SLC12A8: variants seen among roughly 807,000 people sequenced by gnomAD.
SLC12A8 encodes the protein solute carrier family 12 member 8, also known as cation-chloride cotransporter 9.
SLC12A8 carries 69 observed loss-of-function variants against 75.6 expected under a neutral mutation model. The ratio of observed to expected loss-of-function variants is 0.91; its 90% CI spans 0.75 to 1.11. The LOEUF (loss-of-function observed/expected upper bound fraction) is 1.11, where lower values mean the gene tolerates loss of function less well. Ranked by LOEUF, SLC12A8 falls within the 50% of genes most tolerant of loss-of-function variation. The pLI, the probability that SLC12A8 is intolerant of heterozygous loss-of-function variation, is 0.00. For missense variants in SLC12A8, 877 were observed against 896.7 expected (o/e 0.98, Z 0.28); for synonymous variants, 365 against 372.8 (o/e 0.98, Z 0.24).
chr3:125,208,459 C>T (rs1327269460), intron 2 of SLC12A8, among the ~76,000 whole-genome samples: 1 of 152,116 alleles, frequency 6.6e-6, no homozygotes, highest in Non-Finnish European at 1.5e-5. Flanking sequence ...AATTATTAGC[C>T]ATTTATATAA....
intron 6 of SLC12A8, among the ~76,000 whole-genome samples, chr3:125,123,032 T>G (rs1333080912): frequency 2.0e-5 from 3 of 152,068 alleles, no homozygotes; most frequent in Non-Finnish European, 2.9e-5. Context: ...AAGGGCCAGG[T>G]GTGGTGGTTC....
At chr3:125,159,971 T>C (rs765270083) in intron 5 of SLC12A8, among the ~76,000 whole-genome samples, 20 of 152,236 alleles carry the variant, frequency 1.3e-4, no homozygotes, top group Non-Finnish European at 2.9e-4. Flanking sequence ...TTTCTTTCTT[T>C]TTTAGGGTCA....
At chr3:125,207,479 TG>T (rs1245475794) in intron 2 of SLC12A8, among the ~76,000 whole-genome samples, 1 of 152,228 alleles carries the variant, frequency 6.6e-6, no homozygotes, top group Non-Finnish European at 1.5e-5. Flanking sequence ...AGATTGCTGT[TG>T]GTTTTGTACT....
intron 9 of SLC12A8, among the ~76,000 whole-genome samples, chr3:125,109,611 G>T (rs1273598801): frequency 6.6e-6 from 1 of 152,146 alleles, no homozygotes; most frequent in Non-Finnish European, 1.5e-5. Context: ...TGTCTCTTTG[G>T]TCCTCCCCTG....
chr3:125,169,639 A>G (rs1045209128), intron 5 of SLC12A8, among the ~76,000 whole-genome samples: 14 of 152,182 alleles, frequency 9.2e-5, no homozygotes, highest in African/African-American at 3.1e-4. Context: ...CTGCTCCCCG[A>G]ACTGATGCAG....
chr3:125,092,103 C>G lies in SLC12A8; in HGVS notation c.1801G>C (p.Gly601Arg), dbSNP rs747346489. 7.5e-6 allele frequency: 12 copies of G among 1,608,998 alleles called. No individual in the cohort carries two copies. In the East Asian group the frequency reaches 1.1e-4, roughly 15 times the overall value. Residue 601 changes from glycine to arginine, a missense_variant and splice_region_variant, in exon 11 of 14, where the codon GGG becomes CGG. Physicochemically the swap from Gly to Arg is moderately radical, Grantham distance 125 (BLOSUM62 -2). Transcript: ENST00000469902. ...GAGATCAAGATGAAGTTACTCACCC[C>G]CAACAGGGAGACCCAGGGGTTGCAC... ...HMCNPWVSLL[G>R]AVGSLLIMFV...
At chr3:125,203,237 A>G (rs1350561467) in intron 2 of SLC12A8, among the ~76,000 whole-genome samples, 2 of 152,090 alleles carry the variant, frequency 1.3e-5, no homozygotes, top group African/African-American at 4.8e-5. Context: ...AAAAACCCTA[A>G]AATTTGTATG....
At chr3:125,159,538 A>G (rs1934122276) in intron 5 of SLC12A8, among the ~76,000 whole-genome samples, 1 of 152,260 alleles carries the variant, frequency 6.6e-6, no homozygotes, top group Non-Finnish European at 1.5e-5. Flanking sequence ...CAGCAGAGAG[A>G]AAATCTGAGA....
chr3:125,209,278 A>G (rs764955883), intron 2 of SLC12A8, among the ~76,000 whole-genome samples: 2 of 152,240 alleles, frequency 1.3e-5, no homozygotes, highest in Non-Finnish European at 2.9e-5. Flanking sequence ...GGGACTTGGC[A>G]TCAAACATGC....
intron 5 of SLC12A8, among the ~76,000 whole-genome samples, chr3:125,171,134 C>T (rs2107784091): frequency 1.3e-5 from 2 of 152,304 alleles, no homozygotes; most frequent in South Asian, 4.1e-4. Flanking sequence ...GTATTTATAA[C>T]TGTTTTCTGA....
chr3:125,105,217 G>T (rs980999619), intron 10 of SLC12A8, among the ~76,000 whole-genome samples: 2 of 151,672 alleles, frequency 1.3e-5, no homozygotes, highest in African/African-American at 4.8e-5. Flanking sequence ...GATAATAGAG[G>T]GGGGATGGAG....
chr3:125,165,094 G>A (rs913747873), intron 5 of SLC12A8, among the ~76,000 whole-genome samples: 4 of 152,180 alleles, frequency 2.6e-5, no homozygotes, highest in Admixed American at 2.6e-4. Context: ...CTGCATCTTT[G>A]AGGAGGGGAA....
chr3:125,182,194 G>T (rs572489003), intron 4 of SLC12A8, among the ~76,000 whole-genome samples: 3 of 152,158 alleles, frequency 2.0e-5, no homozygotes, highest in African/African-American at 7.2e-5. Flanking sequence ...GAGCATAGTG[G>T]TGCACGCCTG....
At chr3:125,184,662 C>T (rs1379828665) in intron 4 of SLC12A8, among the ~76,000 whole-genome samples, 1 of 151,576 alleles carries the variant, frequency 6.6e-6, no homozygotes, top group African/African-American at 2.4e-5. Context: ...GAATAGGGAG[C>T]CTCAAAACCC....
intron 5 of SLC12A8, among the ~76,000 whole-genome samples, chr3:125,152,123 A>T (rs1215469439): frequency 2.0e-5 from 3 of 152,256 alleles, no homozygotes. Context: ...TAATTGCTCC[A>T]GAACTGCTCC....
intron 10 of SLC12A8, among the ~76,000 whole-genome samples, chr3:125,104,851 A>G (rs1938985857): frequency 6.6e-6 from 1 of 152,146 alleles, no homozygotes; most frequent in Non-Finnish European, 1.5e-5. Context: ...AGTGCCTGGA[A>G]TATAAATGTA....
chr3:125,135,869 G>A (rs978885602), intron 5 of SLC12A8, 87 bp from the exon 6 acceptor site: 27 of 734,092 alleles, frequency 3.7e-5, no homozygotes, highest in South Asian at 2.9e-4. Flanking sequence ...TTCATATATC[G>A]CTTTAAATAT....
Position 125,083,775 on chromosome 3 carries a change from A to T in SLC12A8, c.*115T>A. On this transcript the variant is annotated 3_prime_UTR_variant, in exon 14 of 14. Coordinates refer to ENST00000469902, the MANE Select transcript of SLC12A8 (RefSeq NM_024628.6). The stretch of plus-strand genomic sequence containing the variant: ...GTAGATTTCCATTGTCCAAAGTGAC[A>T]GCGGGAGGATGGGTCTTGAGTTTCT... 1 of 981,972 alleles carries T rather than the reference A, an allele frequency of 1.0e-6. No individual in the cohort carries two copies. The highest frequency in any genetic ancestry group is 1.5e-6 in the Non-Finnish European group (1 of 679,076). 60.8% of individuals were successfully genotyped at this position (981,972 alleles called of 1,614,324 possible).
Position 125,145,550 on chromosome 3 carries a change from A to G in SLC12A8, c.623-9768T>C, listed in dbSNP as rs72965853. 1.5e-3 allele frequency among the ~76,000 whole-genome samples: 223 copies of G among 152,344 alleles called. 1 individual carries two copies. Among genetic ancestry groups the G allele is most frequent in the African/African-American group, 5.0e-3 (208 of 41,574 alleles). ...TGCTAAGTGAAAGAAGCCAGATGCA[A>G]AAGGACAAATGTTGTATAATTCCCC... On this transcript the variant is annotated intron_variant, in intron 5 of 13. Coordinates refer to ENST00000469902, the MANE Select transcript of SLC12A8 (RefSeq NM_024628.6).
Sources: allele counts gnomAD v4.1 joint callset (sites outside exome capture counted in the v4.1 genomes callset), GRCh38; gene constraint gnomAD v4.1.1; transcripts MANE v1.5; gene names NCBI Gene and HGNC (gene_info 2026-07-23, HGNC 2026-07-21).